The following P4HA3 variants were observed in gnomAD, a reference collection of about 807,000 sequenced individuals.
P4HA3 encodes prolyl 4-hydroxylase subunit alpha 3, also known as prolyl 4-hydroxylase subunit alpha-3.
A neutral mutation model predicts 66.7 loss-of-function variants in P4HA3; 60 were observed. The observed-to-expected ratio is 0.90, with a 90% CI of 0.73 to 1.12. The LOEUF (loss-of-function observed/expected upper bound fraction) is 1.12, where lower values mean the gene tolerates loss of function less well. Among genes scored for constraint, P4HA3 ranks in the 50% most tolerant of loss-of-function variants. The pLI, the probability that P4HA3 is intolerant of heterozygous loss-of-function variation, is 0.00. For missense variants in P4HA3, 683 were observed against 685.8 expected (o/e 1.00, Z 0.05); for synonymous variants, 263 against 274.6 (o/e 0.96, Z 0.42).
intron 11 of P4HA3, 139 bp from the exon 12 acceptor site, chr11:74,268,380 C>A: frequency 2.9e-6 from 2 of 693,870 alleles, no homozygotes; most frequent in South Asian, 1.8e-5. Flanking sequence ...CATAAAATGG[C>A]ACAAAATGGC....
intron 4 of P4HA3, among the ~76,000 whole-genome samples, chr11:74,296,175 A>T (rs989462848): frequency 5.3e-5 from 8 of 152,148 alleles, no homozygotes; most frequent in African/African-American, 1.9e-4. Context: ...AGCTCACTCA[A>T]TCCTCACAGC....
At chr11:74,283,280 C>G (rs1006764448) in intron 7 of P4HA3, among the ~76,000 whole-genome samples, 1 of 152,184 alleles carries the variant, frequency 6.6e-6, no homozygotes, top group African/African-American at 2.4e-5. Context: ...TCTCCCGTTA[C>G]CATGGCAACA....
rs559416692 is a variant in P4HA3 at position 74,305,042 on chromosome 11, G to A, written c.201-630C>T. On this transcript the variant is annotated intron_variant, in intron 1 of 12. Transcript: ENST00000331597. Reference sequence around the variant, plus strand: ...ATCTAATGCCGTGGCTGATCTGACAGGAGGTGGAGCTCAAAGAGTAATGCT... The same window carrying A: ...ATCTAATGCCGTGGCTGATCTGACAAGAGGTGGAGCTCAAAGAGTAATGCT... Among the ~76,000 whole-genome samples, 15 of 152,206 alleles carry A rather than the reference G, an allele frequency of 9.9e-5. No homozygotes were observed. In the South Asian group the frequency reaches 2.9e-3, roughly 29 times the overall value.
chr11:74,269,855 AT>A, intron 10 of P4HA3, 135 bp from the exon 11 acceptor site: 1 of 947,726 alleles, frequency 1.1e-6, no homozygotes, highest in African/African-American at 1.7e-5. Flanking sequence ...AAAGACAATC[AT>A]CCAACTCAGG....
chr11:74,269,806 T>C, intron 10 of P4HA3, 86 bp from the exon 11 acceptor site: 1 of 1,308,378 alleles, frequency 7.6e-7, no homozygotes, highest in Admixed American at 2.0e-5. Context: ...CATAGATTCC[T>C]TCTCATGGTC....
intron 15 of P4HA3, among the ~76,000 whole-genome samples, chr11:74,255,724 A>C (rs950477509): frequency 1.2e-4 from 19 of 152,226 alleles, no homozygotes; most frequent in African/African-American, 4.1e-4. Flanking sequence ...CAATAGCATC[A>C]GTATCTCTTG....
chr11:74,267,656 G>T (rs576752033), intron 12 of P4HA3, among the ~76,000 whole-genome samples: 1 of 152,272 alleles, frequency 6.6e-6, no homozygotes, highest in South Asian at 2.1e-4. Context: ...GAGAAAAACG[G>T]GTGGCATCTC....
chr11:74,310,450 C>G (rs1861701544), intron 1 of P4HA3, among the ~76,000 whole-genome samples: 1 of 152,186 alleles, frequency 6.6e-6, no homozygotes, highest in African/African-American at 2.4e-5. Context: ...TTTTTGATAT[C>G]AAATATGTTG....
intron 9 of P4HA3, among the ~76,000 whole-genome samples, chr11:74,276,224 G>T (rs190098421): frequency 7.3e-4 from 111 of 152,250 alleles, no homozygotes; most frequent in Non-Finnish European, 1.3e-3. Flanking sequence ...TTGGGTGATG[G>T]GTACACTAGA....
chr11:74,255,621 A>G (rs1189111283), intron 15 of P4HA3, among the ~76,000 whole-genome samples: 1 of 152,140 alleles, frequency 6.6e-6, no homozygotes, highest in African/African-American at 2.4e-5. Flanking sequence ...TTTCTCACTA[A>G]CTGGCACATG....
chr11:74,268,097 A>T, intron 12 of P4HA3, 48 bp downstream of exon 12: 1 of 1,534,096 alleles, frequency 6.5e-7, no homozygotes, highest in Non-Finnish European at 9.0e-7. Flanking sequence ...GTTTCACTCT[A>T]CTCTGCACCC....
At chr11:74,292,219 T>C (rs1257368032) in intron 4 of P4HA3, among the ~76,000 whole-genome samples, 2 of 152,232 alleles carry the variant, frequency 1.3e-5, no homozygotes, top group African/African-American at 2.4e-5. Flanking sequence ...CTAGATTTGA[T>C]AGTTTATTTG....
At position 74,251,472 on chromosome 11, in the gene P4HA3, G is replaced by A. The variant is rs530993071; in HGVS notation, c.*1319-3471C>T. 8 of 1,432,204 alleles carry A rather than the reference G, an allele frequency of 5.6e-6. No individual in the cohort carries two copies. The Admixed American group carries it at 2.0e-4, about 36-fold the overall frequency. 88.7% of individuals were successfully genotyped at this position (1,432,204 alleles called of 1,614,324 possible). Reference sequence around the variant, plus strand: ...GAGCTATCCCTGGCAAGGATAGTGGGGAGGAGTCTTCTAGCTCTGCTAGGG... The same window carrying A: ...GAGCTATCCCTGGCAAGGATAGTGGAGAGGAGTCTTCTAGCTCTGCTAGGG... On this transcript the variant is annotated intron_variant and NMD_transcript_variant, in intron 15 of 15. Coordinates refer to the P4HA3 transcript ENST00000524388.
intron 1 of P4HA3, among the ~76,000 whole-genome samples, chr11:74,306,269 G>A (rs570325740): frequency 6.6e-6 from 1 of 152,164 alleles, no homozygotes; most frequent in African/African-American, 2.4e-5. Flanking sequence ...AGGGCCTGAA[G>A]TGATCATCTT....
At chr11:74,292,488 C>T (rs1043112289) in intron 4 of P4HA3, among the ~76,000 whole-genome samples, 1 of 152,178 alleles carries the variant, frequency 6.6e-6, no homozygotes. Context: ...CTTCTGCTAG[C>T]TTTTGAATGT....
chr11:74,262,769 A>G (rs1157623117), downstream of P4HA3, among the ~76,000 whole-genome samples: 1 of 151,954 alleles, frequency 6.6e-6, no homozygotes, highest in Non-Finnish European at 1.5e-5. Flanking sequence ...CAGCTCCTAC[A>G]CTCAGGCTCC....
intron 10 of P4HA3, 90 bp from the exon 11 acceptor site, chr11:74,269,810 C>G (rs1591089070): frequency 1.6e-6 from 2 of 1,282,750 alleles, no homozygotes; most frequent in Middle Eastern, 1.9e-4. Flanking sequence ...GATTCCTTCT[C>G]ATGGTCTTTT....
chr11:74,268,377 T>C, intron 11 of P4HA3, 136 bp from the exon 12 acceptor site: 1 of 691,624 alleles, frequency 1.4e-6, no homozygotes. Flanking sequence ...ATGCATAAAA[T>C]GGCACAAAAT....
chr11:74,252,103 C>CTTT (rs60650207), intron 15 of P4HA3, among the ~76,000 whole-genome samples: 20 of 117,010 alleles, frequency 1.7e-4, no homozygotes, highest in East Asian at 4.6e-4. Context: ...TGGAGCAGGG[C>CTTT]TTTTTTTTTT....
Sources: gnomAD v4.1 joint callset for allele counts (sites outside exome capture counted in the v4.1 genomes callset) on GRCh38, gnomAD v4.1.1 for gene constraint, MANE v1.5 for transcripts, NCBI Gene and HGNC (gene_info 2026-07-23, HGNC 2026-07-21) for gene names.